Variants in PTPRA observed in about 807,000 individuals in gnomAD.
PTPRA encodes the protein receptor-type tyrosine-protein phosphatase alpha.
In PTPRA, 25 loss-of-function variants were observed where a neutral mutation model predicts 104.8. The observed-to-expected ratio is 0.24, with a 90% CI of 0.17 to 0.33. The LOEUF is 0.33. Among genes scored for constraint, PTPRA ranks in the 10% least tolerant of loss-of-function variants. PTPRA has a pLI of 1.00. For missense variants in PTPRA, 765 were observed against 1,015.3 expected, an observed-to-expected ratio of 0.75 and a Z score of 3.35; for synonymous variants, 323 against 368.9, an observed-to-expected ratio of 0.88 and a Z score of 1.43.
intron 3 of PTPRA, 92 bp from the exon 4 acceptor site, chr20:2,964,179 TA>T (rs1440656938): frequency 1.3e-5 from 14 of 1,043,868 alleles, no homozygotes; most frequent in Middle Eastern, 4.1e-4. Flanking sequence ...CACATTTTAA[TA>T]GCTTGGAAAT....
chr20:2,951,250 C>T lies in PTPRA; in HGVS notation c.-7+3226C>T, dbSNP rs117563807. 6.1e-3 allele frequency among the ~76,000 whole-genome samples: 928 copies of T among 152,204 alleles called. 7 individuals are homozygous for T. Among genetic ancestry groups the T allele is most frequent in the African/African-American group, 0.021 (884 of 41,538 alleles). On this transcript the variant is annotated intron_variant, in intron 3 of 23. Coordinates refer to ENST00000399903, the MANE Select transcript of PTPRA (RefSeq NM_001385305.1). ...GAGTAGCTGGGACTCCAGGCGTGCC[C>T]GCCACCACGCCCAGCTAGTTTTTGT... is the stretch of plus-strand genomic sequence containing the variant.
intron 11 of PTPRA, among the ~76,000 whole-genome samples, chr20:3,010,689 C>CAT (rs2064129623): frequency 6.6e-6 from 1 of 151,948 alleles, no homozygotes; most frequent in Non-Finnish European, 1.5e-5. Flanking sequence ...AGAAGAGGAA[C>CAT]ATATCTGCCT....
intron 6 of PTPRA, among the ~76,000 whole-genome samples, chr20:2,981,817 A>G (rs1299789056): frequency 2.0e-5 from 3 of 152,096 alleles, no homozygotes; most frequent in Non-Finnish European, 2.9e-5. Context: ...TCCAGGCCCA[A>G]ACTGGTAGAA....
At chr20:2,931,335 G>A (rs116582362) in intron 2 of PTPRA, among the ~76,000 whole-genome samples, 19 of 152,236 alleles carry the variant, frequency 1.2e-4, no homozygotes, top group African/African-American at 3.1e-4. Context: ...AACTGGCACC[G>A]GAGAGTCTGA....
chr20:2,925,167 A>G (rs566362032), intron 2 of PTPRA, among the ~76,000 whole-genome samples: 17 of 152,240 alleles, frequency 1.1e-4, no homozygotes, highest in Admixed American at 3.9e-4. Flanking sequence ...CTGAAACTCC[A>G]TATCCATTAA....
At chr20:2,964,171 C>T in intron 3 of PTPRA, 101 bp from the exon 4 acceptor site, 1 of 960,716 alleles carries the variant, frequency 1.0e-6, no homozygotes, top group Non-Finnish European at 1.6e-6. Flanking sequence ...TTTAGGCACA[C>T]ATTTTAATAG....
rs542958713 is a variant in PTPRA at position 3,017,301 on chromosome 20, A to G, written c.944-515A>G. On this transcript the variant is annotated intron_variant, in intron 12 of 23. Transcript: ENST00000399903. The stretch of plus-strand genomic sequence containing the variant: ...TCCGTTAGCCTCTCTGCTGTGTTGG[A>G]TCTCATTTATTTTCCTCTGTTTGCC... Among the ~76,000 whole-genome samples the G allele has an allele frequency of 6.8e-4, 103 of 152,034 alleles. 1 individual carries two copies. The highest frequency in any genetic ancestry group is 2.3e-3 in the African/African-American group (97 of 41,460).
intron 1 of PTPRA, among the ~76,000 whole-genome samples, chr20:2,878,589 C>T (rs927814705): frequency 5.9e-5 from 9 of 151,754 alleles, no homozygotes; most frequent in East Asian, 1.9e-4. Flanking sequence ...ACTTTTATAC[C>T]CCTTGTTCAA....
chr20:2,891,553 C>A (rs1319833118), intron 1 of PTPRA, among the ~76,000 whole-genome samples: 1 of 152,190 alleles, frequency 6.6e-6, no homozygotes, highest in Non-Finnish European at 1.5e-5. Context: ...ACTGACTACT[C>A]CAAGTCTGAC....
At position 2,965,194 on chromosome 20, in the gene PTPRA, C is replaced by T. The variant is rs925927639; in HGVS notation, c.407C>T (p.Pro136Leu). Residue 136 changes from proline to leucine, a missense_variant, in exon 5 of 24, where the codon CCT becomes CTT. Around this residue, in one of 4 missense-constraint regions of PTPRA, gnomAD observed 256 missense variants for 248.9 expected, o/e 1.03. Coordinates refer to ENST00000399903, the MANE Select transcript of PTPRA (RefSeq NM_001385305.1). ...STAATTPETF[P>L]PSGNSDSKDR... ...GCAGCAACCACTCCAGAAACTTTCC[C>T]TCCTTCAGGTACTAGAGATGATTCT... 9 of 1,608,334 alleles carry T rather than the reference C, an allele frequency of 5.6e-6. No homozygotes were observed. The highest frequency in any genetic ancestry group is 1.1e-5 in the South Asian group (1 of 90,868).
At chr20:2,901,538 G>A (rs2059237669) in intron 1 of PTPRA, among the ~76,000 whole-genome samples, 1 of 152,190 alleles carries the variant, frequency 6.6e-6, no homozygotes. Context: ...TTTAATATAT[G>A]TTGTTAAAAC....
intron 22 of PTPRA, among the ~76,000 whole-genome samples, 184 bp from the exon 23 acceptor site, chr20:3,036,970 G>A (rs1461067449): frequency 2.0e-5 from 3 of 152,156 alleles, no homozygotes; most frequent in Non-Finnish European, 2.9e-5. Context: ...AGCACATGGG[G>A]CCATGCAGGA....
intron 14 of PTPRA, 102 bp downstream of exon 14, chr20:3,021,530 T>C: frequency 2.1e-6 from 3 of 1,461,350 alleles, no homozygotes; most frequent in Non-Finnish European, 2.8e-6. Context: ...TTGCTGAGTA[T>C]GCAGTATGTG....
chr20:2,898,595 C>T (rs138907184), intron 1 of PTPRA, among the ~76,000 whole-genome samples: 58 of 151,942 alleles, frequency 3.8e-4, no homozygotes, highest in African/African-American at 1.3e-3. Context: ...AGGTGGCTCA[C>T]GCCTATAATC....
At chr20:2,957,446 G>A (rs1219640648) in intron 3 of PTPRA, among the ~76,000 whole-genome samples, 1 of 152,194 alleles carries the variant, frequency 6.6e-6, no homozygotes, top group East Asian at 1.9e-4. Context: ...CTGTTTTAGT[G>A]GAATGGTGGA....
At chr20:2,994,310 A>AG (rs1260793619) in intron 9 of PTPRA, among the ~76,000 whole-genome samples, 4 of 152,080 alleles carry the variant, frequency 2.6e-5, no homozygotes, top group Non-Finnish European at 5.9e-5. Flanking sequence ...GAGTTGGATG[A>AG]GGGGGCCCCC....
upstream of PTPRA, among the ~76,000 whole-genome samples, chr20:2,869,190 A>G (rs1456841476): frequency 6.6e-6 from 1 of 152,202 alleles, no homozygotes; most frequent in Non-Finnish European, 1.5e-5. Context: ...TATATCACAC[A>G]TCTGTTCATC....
At chr20:3,036,615 G>A (rs1397535658) in intron 22 of PTPRA, among the ~76,000 whole-genome samples, 3 of 152,212 alleles carry the variant, frequency 2.0e-5, no homozygotes, top group Non-Finnish European at 4.4e-5. Flanking sequence ...CTTGTCTGGG[G>A]ACATTGCTAA....
At chr20:2,991,893 G>T (rs1263331200) in intron 9 of PTPRA, among the ~76,000 whole-genome samples, 1 of 152,202 alleles carries the variant, frequency 6.6e-6, no homozygotes, top group Non-Finnish European at 1.5e-5. Context: ...TTTAGATCCT[G>T]ACTTCCAGTG....
Sources: gnomAD v4.1 joint callset for allele counts (sites outside exome capture counted in the v4.1 genomes callset) on GRCh38, gnomAD v4.1.1 for gene constraint, gnomAD v4.1.1 regional missense constraint, MANE v1.5 for transcripts, NCBI Gene and HGNC (gene_info 2026-07-23, HGNC 2026-07-21) for gene names.